GRM1: variants seen among roughly 807,000 people sequenced by gnomAD.
The protein encoded by GRM1 is metabotropic glutamate receptor 1.
Under a neutral mutation model 90.9 loss-of-function variants are expected in GRM1, and 33 were observed. That is an observed-to-expected ratio of 0.36 (90% CI 0.28 to 0.49). The LOEUF (loss-of-function observed/expected upper bound fraction) is 0.49. Among genes scored for constraint, GRM1 ranks in the 20% least tolerant of loss-of-function variants. The pLI is 0.99. For synonymous variants in GRM1, 700 were observed against 613.2 expected (o/e 1.14, Z -2.09); for missense variants, 1,190 against 1,534.3 (o/e 0.78, Z 3.75).
chr6:146,160,352 G>T (rs559711306), intron 2 of GRM1, among the ~76,000 whole-genome samples: 1 of 152,260 alleles, frequency 6.6e-6, no homozygotes, highest in Admixed American at 6.5e-5. Context: ...TAAATCACGT[G>T]TACTTGTTTG....
At chr6:146,298,196 T>C (rs1410121631) in intron 2 of GRM1, among the ~76,000 whole-genome samples, 1 of 152,202 alleles carries the variant, frequency 6.6e-6, no homozygotes, top group East Asian at 1.9e-4. Context: ...CATATATACT[T>C]TTGTGCCCTT....
chr6:146,107,205 C>A (rs1420970089), intron 1 of GRM1, among the ~76,000 whole-genome samples: 1 of 151,976 alleles, frequency 6.6e-6, no homozygotes, highest in East Asian at 1.9e-4. Flanking sequence ...TGAATTTTTT[C>A]TATGAATATT....
intron 2 of GRM1, among the ~76,000 whole-genome samples, chr6:146,190,717 C>T (rs768231659): frequency 1.3e-5 from 2 of 152,184 alleles, no homozygotes; most frequent in Non-Finnish European, 2.9e-5. Context: ...TCTGTCTCCT[C>T]ATCTCCATCC....
At chr6:146,080,479 T>G (rs1776327135) in intron 1 of GRM1, among the ~76,000 whole-genome samples, 1 of 152,164 alleles carries the variant, frequency 6.6e-6, no homozygotes, top group Non-Finnish European at 1.5e-5. Flanking sequence ...CAGTTCTTCA[T>G]TCCTCATACT....
intron 2 of GRM1, among the ~76,000 whole-genome samples, chr6:146,233,966 A>C (rs1163148671): frequency 6.6e-6 from 1 of 152,104 alleles, no homozygotes; most frequent in East Asian, 1.9e-4. Flanking sequence ...TGCTTTATAC[A>C]TTATAAGGTT....
chr6:146,175,567 T>G (rs1361865368), intron 2 of GRM1, among the ~76,000 whole-genome samples: 2 of 152,170 alleles, frequency 1.3e-5, no homozygotes, highest in Non-Finnish European at 2.9e-5. Flanking sequence ...AGTATTTTGC[T>G]CTACAGAAGT....
At chr6:146,292,584 A>G (rs1470453520) in intron 2 of GRM1, among the ~76,000 whole-genome samples, 1 of 151,960 alleles carries the variant, frequency 6.6e-6, no homozygotes, top group Non-Finnish European at 1.5e-5. Context: ...TTTCATATCC[A>G]GTAAGATGGC....
At chr6:146,173,390 A>C (rs1226091732) in intron 2 of GRM1, among the ~76,000 whole-genome samples, 1 of 103,402 alleles carries the variant, frequency 9.7e-6, no homozygotes, top group East Asian at 2.3e-4. Context: ...ACTCTGTCTC[A>C]AAAAAAAAAG....
chr6:146,036,453 A>G (rs1790894627), intron 1 of GRM1, among the ~76,000 whole-genome samples: 1 of 151,984 alleles, frequency 6.6e-6, no homozygotes, highest in Admixed American at 6.6e-5. Flanking sequence ...TTATCATTAG[A>G]TTCTAAAATT....
At chr6:146,084,689 G>A (rs2128864903) in intron 1 of GRM1, among the ~76,000 whole-genome samples, 1 of 152,282 alleles carries the variant, frequency 6.6e-6, no homozygotes, top group Middle Eastern at 3.4e-3. Flanking sequence ...AGTGCCATAT[G>A]GCACTGGGAA....
chr6:146,098,954 G>T (rs1776959575), intron 1 of GRM1, among the ~76,000 whole-genome samples: 1 of 125,290 alleles, frequency 8.0e-6, no homozygotes, highest in South Asian at 2.9e-4. Context: ...CCAGTTTCAG[G>T]CATTTTTTTC....
chr6:146,226,411 A>G (rs1480801532), intron 2 of GRM1, among the ~76,000 whole-genome samples: 1 of 152,134 alleles, frequency 6.6e-6, no homozygotes, highest in Non-Finnish European at 1.5e-5. Context: ...ACTGTAATAA[A>G]ACTAGCCCAA....
At chr6:146,430,258 C>T (rs1446478136) in intron 7 of GRM1, among the ~76,000 whole-genome samples, 2 of 152,314 alleles carry the variant, frequency 1.3e-5, no homozygotes, top group East Asian at 1.9e-4. Flanking sequence ...AGCAAGATCC[C>T]GAACCTGTTG....
intron 3 of GRM1, among the ~76,000 whole-genome samples, chr6:146,337,624 G>A (rs147129318): frequency 4.6e-5 from 7 of 152,262 alleles, no homozygotes; most frequent in African/African-American, 1.2e-4. Context: ...AAAAAGCGCT[G>A]CTTCCAGCTT....
intron 1 of GRM1, among the ~76,000 whole-genome samples, chr6:146,158,504 A>G (rs976858524): frequency 2.6e-5 from 4 of 152,158 alleles, no homozygotes; most frequent in African/African-American, 7.2e-5. Context: ...GTTACAGGAA[A>G]CATCAGTGGA....
At chr6:146,226,358 AAAG>A (rs1417018899) in intron 2 of GRM1, among the ~76,000 whole-genome samples, 10 of 152,176 alleles carry the variant, frequency 6.6e-5, no homozygotes, top group Admixed American at 6.6e-4. Flanking sequence ...GAGAAACAAA[AAAG>A]AGATGAAAAG....
At chr6:146,041,421 T>C (rs535908805) in intron 1 of GRM1, among the ~76,000 whole-genome samples, 1 of 152,044 alleles carries the variant, frequency 6.6e-6, no homozygotes, top group Non-Finnish European at 1.5e-5. Context: ...CTATGCTGGT[T>C]GCCTGTTGAG....
At chr6:146,143,082 G>C (rs1454587409) in intron 1 of GRM1, among the ~76,000 whole-genome samples, 1 of 152,104 alleles carries the variant, frequency 6.6e-6, no homozygotes, top group Non-Finnish European at 1.5e-5. Flanking sequence ...TGATTATTCA[G>C]GGCCTAAGAG....
intron 1 of GRM1, among the ~76,000 whole-genome samples, chr6:146,092,571 A>C (rs1002767725): frequency 6.6e-6 from 1 of 152,100 alleles, no homozygotes; most frequent in Admixed American, 6.6e-5. Context: ...TCACATAGGC[A>C]TGGAGTATGG....
Sources: gnomAD v4.1 joint callset for allele counts (sites outside exome capture counted in the v4.1 genomes callset) on GRCh38, gnomAD v4.1.1 for gene constraint, MANE v1.5 for transcripts, NCBI Gene and HGNC (gene_info 2026-07-23, HGNC 2026-07-21) for gene names.